The following F11 variants were observed in gnomAD, a reference collection of about 807,000 sequenced individuals.
The protein encoded by F11 is coagualtion factor XI.
F11 carries 78 observed loss-of-function variants against 76.5 expected under a neutral mutation model. That is an observed-to-expected ratio of 1.02 (90% CI 0.85 to 1.23). The LOEUF is 1.23. F11 is among the 50% of genes most tolerant of loss of function. F11 has a pLI of 0.00. For synonymous variants in F11, 278 were observed against 276.3 expected (o/e 1.01, Z -0.06); for missense variants, 742 against 771.4 (o/e 0.96, Z 0.45).
At chr4:186,267,474 A>C (rs943851100) in intron 2 of F11, among the ~76,000 whole-genome samples, 21 of 152,154 alleles carry the variant, frequency 1.4e-4, no homozygotes, top group African/African-American at 4.6e-4. Context: ...AAAAAGAAGA[A>C]ATCTTGATTT....
At chr4:186,285,857 G>A in intron 12 of F11, 44 bp downstream of exon 12, 1 of 1,602,186 alleles carries the variant, frequency 6.2e-7, no homozygotes, top group Non-Finnish European at 8.6e-7. Flanking sequence ...ATGGTGAACT[G>A]GATAAAATGT....
At chr4:186,276,764 T>C (rs1190432244) in intron 7 of F11, among the ~76,000 whole-genome samples, 1 of 151,822 alleles carries the variant, frequency 6.6e-6, no homozygotes, top group Non-Finnish European at 1.5e-5. Flanking sequence ...TTTTTTTGTA[T>C]TTTTAGTAGA....
At chr4:186,283,951 C>T (rs1469870694) in intron 10 of F11, 141 bp from the exon 11 acceptor site, 5 of 1,351,536 alleles carry the variant, frequency 3.7e-6, no homozygotes, top group Non-Finnish European at 4.1e-6. Flanking sequence ...GCTTTGGCAG[C>T]TTGATTATAA....
Position 186,280,382 on chromosome 4 carries a change from G to A in F11, c.1025G>A (p.Gly342Glu). 1 of 1,614,176 alleles carries A rather than the reference G, an allele frequency of 6.2e-7. No individual in the cohort carries two copies. Among genetic ancestry groups the A allele is most frequent in the East Asian group, 2.2e-5 (1 of 44,880 alleles). ...YTPAQASCNE[G>E]KGKCYLKLSS... ...CCAGCCCAAGCATCCTGCAACGAAG[G>A]GAAGTAAGCCATATGAAGGGTTATG... The change falls in exon 9 of 15, where the codon GGG becomes GAG. Residue 342 changes from glycine to glutamate, a missense_variant. By Grantham distance (98) the Gly-to-Glu change is moderately conservative. Coordinates refer to ENST00000403665, the MANE Select transcript of F11 (RefSeq NM_000128.4).
rs180896707 is a variant in F11 at position 186,284,079 on chromosome 4, G to A, written c.1136-13G>A. 1.1e-5 allele frequency: 17 copies of A among 1,614,228 alleles called. No homozygotes were observed. In the East Asian group the frequency reaches 3.8e-4, roughly 36 times the overall value. ...GATGTAGGAAGCTGCTCATCACAAT[G>A]CTTCTGTTGCAGAGTGTACCACCAA... On this transcript the variant is annotated splice_polypyrimidine_tract_variant and intron_variant, in intron 10 of 14. Coordinates refer to ENST00000403665, the MANE Select transcript of F11 (RefSeq NM_000128.4).
At chr4:186,266,878 G>A (rs980359528) in intron 1 of F11, among the ~76,000 whole-genome samples, 2 of 152,014 alleles carry the variant, frequency 1.3e-5, no homozygotes, top group Non-Finnish European at 2.9e-5. Flanking sequence ...CGGCGGGGAA[G>A]GAGGGAGGAG....
intron 10 of F11, chr4:186,282,142 C>A: frequency 8.8e-7 from 1 of 1,141,922 alleles, no homozygotes; most frequent in Admixed American, 3.0e-5. Context: ...GTAATGTTGA[C>A]ATGGTTTAAT....
chr4:186,284,382 T>G, intron 11 of F11, 122 bp downstream of exon 11: 1 of 1,066,614 alleles, frequency 9.4e-7, no homozygotes, highest in Non-Finnish European at 1.4e-6. Context: ...AATTAATTAA[T>G]TGCTTCAGTG....
At chr4:186,285,218 C>T (rs1741097391) in intron 11 of F11, among the ~76,000 whole-genome samples, 1 of 152,136 alleles carries the variant, frequency 6.6e-6, no homozygotes. Context: ...ACATGTGAGG[C>T]CAAGAGTTCC....
In F11 at chr4:186,280,598, T is replaced by C. The variant is rs1740728426; in HGVS notation, c.1135+18T>C. 3.2e-6 allele frequency: 5 copies of C among 1,552,544 alleles called. No individual in the cohort carries two copies. The highest frequency in any genetic ancestry group is 3.6e-6 in the Non-Finnish European group (4 of 1,124,840). ...GGATAATGGTGAGTATAATGTCACT[T>C]GAAAAAATATAGCTGAAGGAATTAT... On this transcript the variant is annotated intron_variant, in intron 10 of 14. Transcript: ENST00000403665.
In F11 at chr4:186,280,263, G is replaced by C. The variant is rs1740698171; in HGVS notation, c.906G>C (p.Leu302Phe). 1 of 1,614,130 alleles carries C rather than the reference G, an allele frequency of 6.2e-7. No individual in the cohort carries two copies. The highest frequency in any genetic ancestry group is 1.1e-5 in the South Asian group (1 of 91,084). ...CATTTTACCATGACACTGATTTCTT[G>C]GGAGAAGAACTGGATATTGTTGCTG... ...HSSFYHDTDF[L>F]GEELDIVAAK... is the part of the protein sequence containing the mutation. Residue 302 changes from leucine to phenylalanine, a missense_variant, in exon 9 of 15, where the codon TTG becomes TTC. By Grantham distance (22) the Leu-to-Phe change is conservative. Transcript: ENST00000403665.
rs772706772 is a variant in F11, at chr4:186,271,713, C to T, written c.160C>T (p.Pro54Ser). 7 of 1,614,046 alleles carry T rather than the reference C, an allele frequency of 4.3e-6. No individual in the cohort carries two copies. The change falls in exon 3 of 15, where the codon CCA (proline) becomes TCA (serine). Residue 54 changes from proline to serine, a missense_variant. Physicochemically the swap from Pro to Ser is moderately conservative, Grantham distance 74 (BLOSUM62 -1). Transcript: ENST00000403665. ...KYCQVVCTYH[P>S]RCLLFTFTAE... Reference sequence around the variant, plus strand: ...CTGCCAGGTAGTCTGCACTTACCACCCAAGATGTTTACTCTTCACTTTCAC... The same window carrying T: ...CTGCCAGGTAGTCTGCACTTACCACTCAAGATGTTTACTCTTCACTTTCAC...
chr4:186,273,274 T>C, intron 4 of F11, 97 bp downstream of exon 4: 3 of 960,494 alleles, frequency 3.1e-6, no homozygotes, highest in Non-Finnish European at 3.4e-6. Context: ...AACACTGCTA[T>C]GTGGAAATAA....
At position 186,288,547 on chromosome 4, in the gene F11, G is replaced by C. The variant is rs1239471962; in HGVS notation, c.1811G>C (p.Arg604Pro). The change falls in exon 15 of 15, where the codon CGG becomes CCG. Residue 604 changes from arginine (R) to proline (P), a missense_variant. Transcript: ENST00000403665. Reference sequence around the variant, plus strand: ...GGCGAAGGCTGTGCTCAAAGGGAGCGGCCAGGTGTTTACACCAACGTGGTC... The same window carrying C: ...GGCGAAGGCTGTGCTCAAAGGGAGCCGCCAGGTGTTTACACCAACGTGGTC... ...SWGEGCAQRERPGVYTNVVEY... is the reference protein window; with the variant it reads ...SWGEGCAQREPPGVYTNVVEY... 1 of 1,614,106 alleles carries C rather than the reference G, an allele frequency of 6.2e-7. No homozygotes were observed. The highest frequency in any genetic ancestry group is 1.1e-5 in the South Asian group (1 of 91,072).
intron 10 of F11, 147 bp downstream of exon 10, chr4:186,280,727 T>C: frequency 1.4e-6 from 1 of 719,112 alleles, no homozygotes; most frequent in African/African-American, 1.7e-5. Context: ...TTCACTCCTG[T>C]CACTCAAGCT....
intron 10 of F11, among the ~76,000 whole-genome samples, chr4:186,281,671 AGCTGCATGT>A (rs1740816654): frequency 6.6e-6 from 1 of 152,230 alleles, no homozygotes; most frequent in Non-Finnish European, 1.5e-5. Context: ...ATTTACATAA[AGCTGCATGT>A]TCTTATACTG....
At chr4:186,273,704 C>T (rs763573557) in intron 4 of F11, among the ~76,000 whole-genome samples, 4 of 152,180 alleles carry the variant, frequency 2.6e-5, no homozygotes, top group African/African-American at 4.8e-5. Context: ...CTGCCCGCCT[C>T]GGCCTTCCAG....
chr4:186,283,770 G>A (rs926635274), intron 10 of F11, among the ~76,000 whole-genome samples: 1 of 152,196 alleles, frequency 6.6e-6, no homozygotes, highest in African/African-American at 2.4e-5. Context: ...CCCAGGTGAC[G>A]CTGTTGGTCT....
chr4:186,289,972 C>T (rs921567491), downstream of F11, among the ~76,000 whole-genome samples: 1 of 152,072 alleles, frequency 6.6e-6, no homozygotes, highest in Non-Finnish European at 1.5e-5. Context: ...TGAGTCACTG[C>T]GTCTGGCCAT....
Sources: gnomAD v4.1 joint callset for allele counts (sites outside exome capture counted in the v4.1 genomes callset) on GRCh38, gnomAD v4.1.1 for gene constraint, MANE v1.5 for transcripts, NCBI Gene and HGNC (gene_info 2026-07-23, HGNC 2026-07-21) for gene names.